The following BMPR1B variants were observed in gnomAD, a reference collection of about 807,000 sequenced individuals.
BMPR1B encodes bone morphogenetic protein receptor type 1B.
Under a neutral mutation model 59.1 loss-of-function variants are expected in BMPR1B, and 12 were observed. The ratio of observed to expected loss-of-function variants is 0.20; its 90% CI spans 0.13 to 0.33. The LOEUF (loss-of-function observed/expected upper bound fraction) is 0.33. Among genes scored for constraint, BMPR1B ranks in the 10% least tolerant of loss-of-function variants. The probability of loss-of-function intolerance (pLI) is 1.00; values close to 1 mark genes in which losing one functional copy is unlikely to be tolerated. For synonymous variants in BMPR1B, 237 were observed against 207.3 expected (o/e 1.14, Z -1.23); for missense variants, 550 against 610.9 (o/e 0.90, Z 1.05).
chr4:95,082,443 C>T (rs951773845), intron 3 of BMPR1B, among the ~76,000 whole-genome samples: 1 of 151,916 alleles, frequency 6.6e-6, no homozygotes. Context: ...GCTCTAGTCC[C>T]CTCATCATTT....
chr4:95,142,556 C>G (rs185260670), intron 10 of BMPR1B, among the ~76,000 whole-genome samples: 4 of 152,130 alleles, frequency 2.6e-5, no homozygotes, highest in South Asian at 2.1e-4. Flanking sequence ...CTGTCTATTA[C>G]GTTTTTTTAC....
At chr4:94,941,748 C>T (rs555541113) in intron 2 of BMPR1B, among the ~76,000 whole-genome samples, 2 of 152,044 alleles carry the variant, frequency 1.3e-5, no homozygotes, top group Admixed American at 6.5e-5. Context: ...AGAATAAAAC[C>T]GTAATCTAAT....
intron 3 of BMPR1B, among the ~76,000 whole-genome samples, chr4:95,099,476 A>G (rs1268359378): frequency 6.6e-6 from 1 of 152,202 alleles, no homozygotes; most frequent in Non-Finnish European, 1.5e-5. Context: ...ATTTGATAAT[A>G]TAAAATTCAG....
intron 3 of BMPR1B, among the ~76,000 whole-genome samples, chr4:95,063,974 A>G (rs527630572): frequency 6.6e-6 from 1 of 152,294 alleles, no homozygotes; most frequent in East Asian, 1.9e-4. Context: ...AATAATTAGC[A>G]GTTTTAGATT....
At chr4:94,952,554 A>G (rs1729988100) in intron 2 of BMPR1B, among the ~76,000 whole-genome samples, 1 of 152,138 alleles carries the variant, frequency 6.6e-6, no homozygotes, top group Non-Finnish European at 1.5e-5. Flanking sequence ...TTCAGTTTCC[A>G]TGTAGTTGTG....
At chr4:94,988,070 T>C (rs1296016385) in intron 2 of BMPR1B, among the ~76,000 whole-genome samples, 1 of 152,200 alleles carries the variant, frequency 6.6e-6, no homozygotes, top group Non-Finnish European at 1.5e-5. Flanking sequence ...ATTCCTTACC[T>C]GTAAGAAATC....
intron 1 of BMPR1B, among the ~76,000 whole-genome samples, chr4:94,776,710 C>A (rs1031028930): frequency 3.3e-5 from 5 of 152,074 alleles, no homozygotes; most frequent in African/African-American, 1.2e-4. Context: ...ACTTGTAATA[C>A]CCCAGAGTCA....
intron 1 of BMPR1B, among the ~76,000 whole-genome samples, chr4:94,838,871 T>A (rs1485207703): frequency 7.1e-6 from 1 of 140,576 alleles, no homozygotes; most frequent in Non-Finnish European, 1.6e-5. Context: ...ATTTTGGATC[T>A]TTCCTGCTTT....
intron 1 of BMPR1B, among the ~76,000 whole-genome samples, chr4:94,768,712 CTT>C (rs74584240): frequency 0.13 from 19,522 of 151,992 alleles, 1,562 homozygotes; most frequent in East Asian, 0.2. Flanking sequence ...TAGGCATAGT[CTT>C]AATATATTTT....
intron 1 of BMPR1B, among the ~76,000 whole-genome samples, chr4:94,866,732 C>A (rs1032141470): frequency 6.6e-6 from 1 of 151,962 alleles, no homozygotes; most frequent in Non-Finnish European, 1.5e-5. Flanking sequence ...TACAGGCATG[C>A]GCCACCATGC....
At chr4:94,939,036 A>G (rs1291823190) in intron 2 of BMPR1B, among the ~76,000 whole-genome samples, 1 of 152,104 alleles carries the variant, frequency 6.6e-6, no homozygotes, top group African/African-American at 2.4e-5. Context: ...AATAAAAGAA[A>G]AAAGATCCCA....
chr4:94,916,942 C>T (rs143826570), intron 2 of BMPR1B, among the ~76,000 whole-genome samples: 95 of 152,310 alleles, frequency 6.2e-4, no homozygotes, highest in African/African-American at 2.1e-3. Flanking sequence ...GGACATTGCT[C>T]CCTATATCCT....
chr4:95,115,331 ATAT>A (rs1326033150), intron 5 of BMPR1B, among the ~76,000 whole-genome samples: 9 of 152,162 alleles, frequency 5.9e-5, no homozygotes, highest in Admixed American at 3.9e-4. Flanking sequence ...TTGAAATCAA[ATAT>A]TATTTTTATT....
At chr4:94,916,806 G>C (rs1470964013) in intron 2 of BMPR1B, among the ~76,000 whole-genome samples, 1 of 152,224 alleles carries the variant, frequency 6.6e-6, no homozygotes, top group Non-Finnish European at 1.5e-5. Context: ...AAGACAGTGG[G>C]GAAAAGGCCT....
intron 1 of BMPR1B, among the ~76,000 whole-genome samples, chr4:94,835,810 C>T (rs1031320853): frequency 1.1e-4 from 17 of 151,738 alleles, no homozygotes; most frequent in Non-Finnish European, 2.5e-4. Flanking sequence ...GCACATTGTG[C>T]AGGTTAGTTA....
chr4:95,065,394 T>C (rs552683929), intron 3 of BMPR1B, among the ~76,000 whole-genome samples: 2 of 152,332 alleles, frequency 1.3e-5, no homozygotes, highest in African/African-American at 4.8e-5. Flanking sequence ...TCTATGCCTA[T>C]ATTAAAAAGC....
intron 3 of BMPR1B, among the ~76,000 whole-genome samples, chr4:95,073,589 A>G (rs1161648653): frequency 6.6e-6 from 1 of 152,168 alleles, no homozygotes; most frequent in East Asian, 1.9e-4. Context: ...TGAGGGACTG[A>G]AAAGAAGAAA....
At chr4:95,069,765 T>C (rs1392316997) in intron 3 of BMPR1B, among the ~76,000 whole-genome samples, 1 of 152,214 alleles carries the variant, frequency 6.6e-6, no homozygotes, top group Non-Finnish European at 1.5e-5. Flanking sequence ...AAGGTGCTCA[T>C]TAAGTAATTG....
intron 1 of BMPR1B, among the ~76,000 whole-genome samples, chr4:94,814,840 A>AT: frequency 6.6e-6 from 1 of 152,294 alleles, no homozygotes; most frequent in East Asian, 1.9e-4. Context: ...AGGAAACTAA[A>AT]TTTTAAAAAA....
Sources: allele counts gnomAD v4.1 joint callset (sites outside exome capture counted in the v4.1 genomes callset), GRCh38; gene constraint gnomAD v4.1.1; transcripts MANE v1.5; gene names NCBI Gene and HGNC (gene_info 2026-07-23, HGNC 2026-07-21).